The following SNX29 variants were observed in gnomAD, a reference collection of about 807,000 sequenced individuals.
SNX29 encodes sorting nexin-29.
A neutral mutation model predicts 102.1 loss-of-function variants in SNX29; 78 were observed. The ratio of observed to expected loss-of-function variants is 0.76; its 90% CI spans 0.64 to 0.92. SNX29 has a LOEUF of 0.92. SNX29 is among the 40% of genes least tolerant of loss of function. The probability of loss-of-function intolerance (pLI) is 0.00; values close to 1 mark genes in which losing one functional copy is unlikely to be tolerated. For missense variants in SNX29, 1,280 were observed against 1,061.7 expected, an observed-to-expected ratio of 1.21 and a Z score of -2.86; for synonymous variants, 580 against 414.5, an observed-to-expected ratio of 1.40 and a Z score of -4.85.
At chr16:12,275,002 T>G (rs1168308015) in intron 14 of SNX29, among the ~76,000 whole-genome samples, 1 of 152,242 alleles carries the variant, frequency 6.6e-6, no homozygotes, top group Non-Finnish European at 1.5e-5. Flanking sequence ...AGTCTCTCTT[T>G]CCTGCAAGTT....
At position 12,562,968 on chromosome 16, in the gene SNX29, GGGT is replaced by G. The variant is rs546846661; in HGVS notation, c.2319-5536_2319-5534del. 6.6e-4 allele frequency among the ~76,000 whole-genome samples: 94 copies of G among 142,964 alleles called. 1 individual carries two copies. Among genetic ancestry groups the G allele is most frequent in the African/African-American group, 2.4e-3 (89 of 36,516 alleles). The allele number at this position is 142,964 out of a possible 152,430, so 93.8% of individuals were successfully genotyped here. A position where few individuals can be genotyped will look rare whatever the true frequency, so the allele number is the denominator to read the frequency against. On this transcript the variant is annotated intron_variant, in intron 20 of 20. Transcript: ENST00000566228. ...GAAGCAAACATTCACCCAACACAAG[GGGT>G]GAGGGCTGATGCGTAAGAAAAACTG... is the stretch of plus-strand genomic sequence containing the variant.
rs764483274 is a variant in SNX29 at position 12,042,898 on chromosome 16, G to T, written c.249G>T (p.Glu83Asp). 1.9e-6 allele frequency: 3 copies of T among 1,606,172 alleles called. No individual in the cohort carries two copies. Among genetic ancestry groups the T allele is most frequent in the Middle Eastern group, 1.7e-4 (1 of 5,996 alleles). Residue 83 changes from glutamate (E) to aspartate (D), a missense_variant and splice_region_variant, in exon 5 of 21, where the codon GAG (glutamate) becomes GAT (aspartate). Coordinates refer to ENST00000566228, the MANE Select transcript of SNX29 (RefSeq NM_032167.5). ...GGCGCCTGTGCCCTCTCTCCGTAGA[G>T]CCCGTGTTCTGGTACTACGTGAAGG... ...AAGFASKTET[E>D]PVFWYYVKEV...
intron 18 of SNX29, among the ~76,000 whole-genome samples, chr16:12,426,981 A>T (rs2085106693): frequency 6.6e-6 from 1 of 152,192 alleles, no homozygotes; most frequent in Non-Finnish European, 1.5e-5. Flanking sequence ...TTGTAGATCT[A>T]ATATGTCAGC....
intron 18 of SNX29, among the ~76,000 whole-genome samples, chr16:12,471,128 G>T (rs1175154219): frequency 2.0e-5 from 3 of 152,198 alleles, no homozygotes; most frequent in South Asian, 2.1e-4. Flanking sequence ...CCGTTCCTAT[G>T]CTTGGCACAC....
At chr16:12,088,240 C>A in intron 11 of SNX29, 1 of 398,606 alleles carries the variant, frequency 2.5e-6, no homozygotes, top group South Asian at 1.8e-5. Context: ...CCAGCACCTG[C>A]AGAAGGCTGC....
At chr16:12,185,073 C>T (rs2076478305) in intron 13 of SNX29, among the ~76,000 whole-genome samples, 1 of 152,202 alleles carries the variant, frequency 6.6e-6, no homozygotes, top group African/African-American at 2.4e-5. Flanking sequence ...CTGTGGCCAC[C>T]TTATTTTTAT....
At chr16:12,120,042 C>T (rs1197473137) in intron 11 of SNX29, among the ~76,000 whole-genome samples, 1 of 151,970 alleles carries the variant, frequency 6.6e-6, no homozygotes, top group Non-Finnish European at 1.5e-5. Context: ...TCTGGGTGGG[C>T]TAGGGGAGGA....
chr16:11,976,899 G>A (rs2055312331), intron 1 of SNX29, 86 bp downstream of exon 1: 3 of 1,281,558 alleles, frequency 2.3e-6, no homozygotes, highest in South Asian at 4.7e-5. Context: ...CTGCGTCCTC[G>A]CGCCCCGCTC....
intron 15 of SNX29, among the ~76,000 whole-genome samples, chr16:12,285,315 A>T (rs2079559847): frequency 6.6e-6 from 1 of 152,076 alleles, no homozygotes; most frequent in African/African-American, 2.4e-5. Flanking sequence ...CTGCTTCAAT[A>T]TTGCCAGTCC....
chr16:12,396,917 A>AT (rs1002715675), intron 16 of SNX29, among the ~76,000 whole-genome samples: 15 of 152,174 alleles, frequency 9.9e-5, no homozygotes, highest in Non-Finnish European at 1.9e-4. Context: ...AACTTTCTTT[A>AT]TTTTTTTGAA....
chr16:12,243,188 C>A (rs887490022), intron 14 of SNX29, among the ~76,000 whole-genome samples: 1 of 152,208 alleles, frequency 6.6e-6, no homozygotes, highest in Non-Finnish European at 1.5e-5. Context: ...CACACCGATT[C>A]GTGCATGTAG....
At chr16:12,357,151 A>G (rs2082158258) in intron 16 of SNX29, among the ~76,000 whole-genome samples, 1 of 152,162 alleles carries the variant, frequency 6.6e-6, no homozygotes, top group Admixed American at 6.5e-5. Flanking sequence ...CTTCTTTATT[A>G]TGTAAAATGC....
At chr16:12,130,162 T>A (rs2054397372) in intron 13 of SNX29, among the ~76,000 whole-genome samples, 1 of 145,524 alleles carries the variant, frequency 6.9e-6, no homozygotes, top group Non-Finnish European at 1.5e-5. Flanking sequence ...TGAGCACACG[T>A]TCACCTGGAC....
chr16:12,120,422 G>A (rs769949840), intron 11 of SNX29, among the ~76,000 whole-genome samples: 13 of 152,208 alleles, frequency 8.5e-5, no homozygotes, highest in Non-Finnish European at 7.3e-5. Context: ...GTGTGTGTGC[G>A]CACACATGCG....
chr16:12,556,365 A>T (rs547002500), intron 20 of SNX29: 1 of 152,228 alleles, frequency 6.6e-6, no homozygotes, highest in African/African-American at 2.4e-5. Flanking sequence ...GGTTGAGTAT[A>T]CCAGTCGTAA....
intron 11 of SNX29, among the ~76,000 whole-genome samples, chr16:12,084,743 G>A (rs1287887013): frequency 6.6e-6 from 1 of 152,150 alleles, no homozygotes; most frequent in Non-Finnish European, 1.5e-5. Context: ...TAACTGTGAT[G>A]TGCTTAGAAC....
intron 14 of SNX29, among the ~76,000 whole-genome samples, chr16:12,234,187 T>C (rs2077854358): frequency 6.6e-6 from 1 of 152,192 alleles, no homozygotes; most frequent in South Asian, 2.1e-4. Context: ...TATTCTACCA[T>C]GTCCTCACCA....
At chr16:12,306,951 C>T (rs1163430416) in intron 15 of SNX29, among the ~76,000 whole-genome samples, 3 of 152,108 alleles carry the variant, frequency 2.0e-5, no homozygotes, top group Non-Finnish European at 2.9e-5. Context: ...GCTGCCTGCA[C>T]CCCCTTGTGC....
chr16:12,526,735 A>T (rs1234956125), intron 20 of SNX29: 1 of 461,174 alleles, frequency 2.2e-6, no homozygotes, highest in African/African-American at 1.9e-5. Flanking sequence ...CCTGATGCTG[A>T]GAGTGTGAGC....
Sources: gnomAD v4.1 joint callset for allele counts (sites outside exome capture counted in the v4.1 genomes callset) on GRCh38, gnomAD v4.1.1 for gene constraint, MANE v1.5 for transcripts, NCBI Gene and HGNC (gene_info 2026-07-23, HGNC 2026-07-21) for gene names.